PLCL2: variants seen among roughly 807,000 people sequenced by gnomAD.
PLCL2 encodes the protein phospholipase C like 2.
A neutral mutation model predicts 79.6 loss-of-function variants in PLCL2; 4 were observed. The observed-to-expected ratio is 0.05, with a 90% CI of 0.02 to 0.11. The LOEUF (loss-of-function observed/expected upper bound fraction) is 0.11. Among genes scored for constraint, PLCL2 ranks in the 10% least tolerant of loss-of-function variants. PLCL2 has a pLI of 1.00. For synonymous variants in PLCL2, 484 were observed against 457.7 expected (o/e 1.06, Z -0.73); for missense variants, 895 against 1,291.0 (o/e 0.69, Z 4.70).
chr3:17,073,136 C>T (rs901645687), intron 5 of PLCL2, among the ~76,000 whole-genome samples: 1 of 152,174 alleles, frequency 6.6e-6, no homozygotes, highest in African/African-American at 2.4e-5. Flanking sequence ...AAATAAAATT[C>T]ACCAATTTTG....
rs149826754 is a variant in PLCL2 at position 17,060,576 on chromosome 3, A to G, written c.3095-7380A>G. ...CTTCAGACCTCCGGAGTTTTGAGGC[A>G]GAGCATATAGTTTACAAAGGCTGTA... On this transcript the variant is annotated intron_variant, in intron 4 of 5. Transcript: ENST00000615277. Among the ~76,000 whole-genome samples, 446 of 152,336 alleles carry G rather than the reference A, an allele frequency of 2.9e-3. 2 individuals carry two copies. The highest frequency in any genetic ancestry group is 0.01 in the African/African-American group (429 of 41,590).
At chr3:17,065,795 C>G (rs2065003769) in intron 4 of PLCL2, among the ~76,000 whole-genome samples, 1 of 152,202 alleles carries the variant, frequency 6.6e-6, no homozygotes, top group Non-Finnish European at 1.5e-5. Context: ...TCCTGTTCAT[C>G]TTGCAGTCCA....
At chr3:17,041,041 T>C (rs1247452288) in intron 3 of PLCL2, among the ~76,000 whole-genome samples, 1 of 152,170 alleles carries the variant, frequency 6.6e-6, no homozygotes, top group East Asian at 1.9e-4. Context: ...GTATCTCTCA[T>C]TTGGCTTGAC....
At chr3:17,075,905 T>C (rs2065104709) in intron 5 of PLCL2, among the ~76,000 whole-genome samples, 1 of 152,272 alleles carries the variant, frequency 6.6e-6, no homozygotes, top group Admixed American at 6.5e-5. Flanking sequence ...TAACACATTT[T>C]GTTTATACCT....
In PLCL2 at chr3:17,010,228, A is replaced by C; in HGVS notation, c.882A>C (p.Gln294His). Residue 294 changes from glutamine (Q) to histidine (H), a missense_variant, in exon 2 of 6, where the codon CAA becomes CAC. Around this residue, in one of 6 missense-constraint regions of PLCL2, gnomAD observed 93 missense variants for 93.2 expected, o/e 1.00. Transcript: ENST00000615277. This position sits in a 1 kb window ranked among gnomAD's most constrained non-coding sequence, Gnocchi z 5.8. ...ATATAACTCTGTGTAATGCTGTGCAATGTATCAGAAACCTCAATCCTGGTT... is the reference window on the plus strand; with the variant it reads ...ATATAACTCTGTGTAATGCTGTGCACTGTATCAGAAACCTCAATCCTGGTT... Reference protein sequence around the residue: ...LGHITLCNAVQCIRNLNPGLK... With the variant: ...LGHITLCNAVHCIRNLNPGLK... 1 of 1,614,000 alleles carries C rather than the reference A, an allele frequency of 6.2e-7. No homozygotes were observed. Among genetic ancestry groups the C allele is most frequent in the Non-Finnish European group, 8.5e-7 (1 of 1,179,860 alleles).
At chr3:16,986,518 CA>C (rs1203129260) in intron 1 of PLCL2, among the ~76,000 whole-genome samples, 3 of 152,188 alleles carry the variant, frequency 2.0e-5, no homozygotes, top group Non-Finnish European at 4.4e-5. Flanking sequence ...TCTCCTGCCT[CA>C]GCCTCCTGAG....
intron 4 of PLCL2, among the ~76,000 whole-genome samples, chr3:17,052,656 C>T (rs1321724026): frequency 6.6e-6 from 1 of 152,126 alleles, no homozygotes; most frequent in Non-Finnish European, 1.5e-5. Flanking sequence ...CCTTCTGCCT[C>T]CTCCACCTCT....
chr3:17,044,418 G>C (rs1009570099), intron 4 of PLCL2, among the ~76,000 whole-genome samples: 2 of 152,172 alleles, frequency 1.3e-5, no homozygotes, highest in African/African-American at 4.8e-5. Flanking sequence ...TCTTCTGGGA[G>C]ACCTTTCAAG....
chr3:16,985,689 A>G (rs2064042931), intron 1 of PLCL2, among the ~76,000 whole-genome samples: 1 of 152,156 alleles, frequency 6.6e-6, no homozygotes, highest in Non-Finnish European at 1.5e-5. Context: ...AGAGAAGTGA[A>G]AACTGTGCAG....
In PLCL2 at chr3:17,011,578, A is replaced by T; in HGVS notation, c.2232A>T (p.Thr744=). 6.2e-7 allele frequency: 1 copy of T among 1,614,120 alleles called. No individual in the cohort carries two copies. The change falls in exon 2 of 6, where the codon ACA becomes ACT. Residue 744 remains threonine (T), a synonymous_variant. Coordinates refer to ENST00000615277, the MANE Select transcript of PLCL2 (RefSeq NM_001144382.2). The surrounding 1 kb of genome is among the most constrained non-coding windows in gnomAD (Gnocchi z 7.9). ...AGGTCTCCTTCTTCAGCGCCAATACAAAAGACTCTGTCCCAGGGGTCTCAC... is the reference window on the plus strand; with the variant it reads ...AGGTCTCCTTCTTCAGCGCCAATACTAAAGACTCTGTCCCAGGGGTCTCAC... ...REEVSFFSAN[T]KDSVPGVSPQ... is the part of the protein sequence containing the mutation.
intron 1 of PLCL2, among the ~76,000 whole-genome samples, chr3:16,981,746 A>T (rs1311755620): frequency 6.6e-6 from 1 of 152,226 alleles, no homozygotes; most frequent in Non-Finnish European, 1.5e-5. Flanking sequence ...TTGCATCTTG[A>T]ATTTAGTTCC....
At chr3:17,052,212 T>A in intron 4 of PLCL2, among the ~76,000 whole-genome samples, 1 of 121,578 alleles carries the variant, frequency 8.2e-6, no homozygotes, top group South Asian at 2.8e-4. Context: ...CTGAAAGAAA[T>A]CATGAAATAG....
intron 1 of PLCL2, among the ~76,000 whole-genome samples, chr3:16,997,975 A>G (rs1463837461): frequency 6.6e-6 from 1 of 152,182 alleles, no homozygotes; most frequent in Non-Finnish European, 1.5e-5. Context: ...AATTCTCCTT[A>G]ATTTTAAAAT....
At chr3:16,893,335 T>G (rs1169154112) in intron 1 of PLCL2, among the ~76,000 whole-genome samples, 2 of 148,850 alleles carry the variant, frequency 1.3e-5, no homozygotes, top group Non-Finnish European at 3.1e-5. Flanking sequence ...AATGGTTTGT[T>G]TTTTTAGGTG....
intron 3 of PLCL2, among the ~76,000 whole-genome samples, chr3:17,032,564 T>C (rs184727106): frequency 1.3e-5 from 2 of 152,202 alleles, no homozygotes; most frequent in East Asian, 3.9e-4. Flanking sequence ...TGCTCCTTTT[T>C]CCTCTCCTCC....
chr3:16,952,314 A>G (rs1227606106), intron 1 of PLCL2, among the ~76,000 whole-genome samples: 15 of 133,800 alleles, frequency 1.1e-4, no homozygotes, highest in African/African-American at 3.8e-4. Flanking sequence ...ATGTATACCT[A>G]TGTAGCAAAC....
At chr3:16,899,611 G>A (rs1224989827) in intron 1 of PLCL2, among the ~76,000 whole-genome samples, 1 of 152,060 alleles carries the variant, frequency 6.6e-6, no homozygotes, top group South Asian at 2.1e-4. Flanking sequence ...TAAAAAGTGC[G>A]TGAAATCTTG....
chr3:17,071,386 A>T (rs1355353989), intron 5 of PLCL2, among the ~76,000 whole-genome samples: 1 of 152,176 alleles, frequency 6.6e-6, no homozygotes, highest in African/African-American at 2.4e-5. Flanking sequence ...GTCATCTATA[A>T]CTGCCACACC....
At position 17,090,285 on chromosome 3, in the gene PLCL2, A is replaced by ACGGCGACC; in HGVS notation, c.*373_*374insCGGCGACC. ...TCAAATTATTATTTATTGGAGAAAA[A>ACGGCGACC]AACCTGATCTACACATTTTTACTTA... is the stretch of plus-strand genomic sequence containing the variant. On this transcript the variant is annotated 3_prime_UTR_variant, in exon 6 of 6. Transcript: ENST00000615277. The ACGGCGACC allele has an allele frequency of 1.1e-6, 1 of 951,830 alleles. No individual in the cohort carries two copies. The highest frequency in any genetic ancestry group is 1.2e-6 in the Non-Finnish European group (1 of 809,486). 59.0% of individuals were successfully genotyped at this position (951,830 alleles called of 1,614,324 possible).
Sources: allele counts gnomAD v4.1 joint callset (sites outside exome capture counted in the v4.1 genomes callset), GRCh38; gene constraint gnomAD v4.1.1; regional missense constraint gnomAD v4.1.1; non-coding constraint Gnocchi (gnomAD v3.1); transcripts MANE v1.5; gene names NCBI Gene and HGNC (gene_info 2026-07-23, HGNC 2026-07-21).